NTN4: variants seen among roughly 807,000 people sequenced by gnomAD.
NTN4 encodes the protein netrin-4.
NTN4 carries 32 observed loss-of-function variants against 73.6 expected under a neutral mutation model. The observed-to-expected ratio is 0.44, with a 90% CI of 0.33 to 0.58. NTN4 has a LOEUF of 0.58. Ranked by LOEUF, NTN4 falls within the 20% of genes least tolerant of loss-of-function variation. The pLI is 0.04. For missense variants in NTN4, 654 were observed against 798.3 expected, an observed-to-expected ratio of 0.82 and a Z score of 2.18; for synonymous variants, 258 against 287.5, an observed-to-expected ratio of 0.90 and a Z score of 1.04.
intron 5 of NTN4, among the ~76,000 whole-genome samples, chr12:95,699,958 C>A (rs2078470557): frequency 6.6e-6 from 1 of 151,822 alleles, no homozygotes; most frequent in African/African-American, 2.4e-5. Flanking sequence ...TGTGTCTTGG[C>A]ATAAAAGTCA....
Position 95,658,182 on chromosome 12 carries a change from G to A in NTN4, c.*904C>T, listed in dbSNP as rs1047248594. 1 of 152,190 alleles carries A rather than the reference G, an allele frequency of 6.6e-6. No individual in the cohort carries two copies. The allele number at this position is 152,190 out of a possible 1,614,324, so 9.4% of individuals were successfully genotyped here. On this transcript the variant is annotated 3_prime_UTR_variant, in exon 10 of 10. Coordinates refer to ENST00000343702, the MANE Select transcript of NTN4 (RefSeq NM_021229.4). The stretch of plus-strand genomic sequence containing the variant: ...TTCTGTGTCTACAATAATTTTTGAA[G>A]TGTATACAAGTGCATTGCAAATGAG...
intron 2 of NTN4, 22 bp downstream of exon 2, chr12:95,786,917 A>G (rs2079171629): frequency 1.2e-6 from 2 of 1,603,034 alleles, no homozygotes; most frequent in Non-Finnish European, 1.7e-6. Flanking sequence ...CTTACAGTGT[A>G]GAGTTAAACA....
At chr12:95,669,881 C>G (rs1007655592) in intron 8 of NTN4, among the ~76,000 whole-genome samples, 197 bp downstream of exon 8, 2 of 152,236 alleles carry the variant, frequency 1.3e-5, no homozygotes, top group Non-Finnish European at 2.9e-5. Flanking sequence ...TCTGTCCTCC[C>G]TGGGACATCC....
At chr12:95,668,195 T>A (rs1424406155) in intron 8 of NTN4, among the ~76,000 whole-genome samples, 1 of 151,994 alleles carries the variant, frequency 6.6e-6, no homozygotes, top group Non-Finnish European at 1.5e-5. Flanking sequence ...GGAAACCAAT[T>A]TTTTCCAAGT....
At chr12:95,739,313 C>T (rs1447599662) in intron 2 of NTN4, among the ~76,000 whole-genome samples, 4 of 152,014 alleles carry the variant, frequency 2.6e-5, no homozygotes, top group Admixed American at 2.0e-4. Context: ...ACGGATTAAC[C>T]GGTATTTGTA....
chr12:95,734,859 G>A (rs1299662691), intron 3 of NTN4, among the ~76,000 whole-genome samples: 1 of 152,178 alleles, frequency 6.6e-6, no homozygotes, highest in African/African-American at 2.4e-5. Flanking sequence ...GACCAACATG[G>A]AGAAACCCCA....
intron 9 of NTN4, among the ~76,000 whole-genome samples, chr12:95,659,650 A>G (rs1435459381): frequency 1.3e-5 from 2 of 152,210 alleles, no homozygotes; most frequent in Non-Finnish European, 2.9e-5. Context: ...AGAAACATTA[A>G]TAGCTGCCAT....
rs1490029826 is a variant in NTN4, at chr12:95,713,300, G to A, written c.903C>T (p.Gly301=). ...GKCMCKHNTA[G]SHCQHCAPLY... is the part of the protein sequence containing the mutation. ...ACGGGGCACAGTGCTGGCAGTGGCT[G>A]CCTGCTGTGTTGTGCTTACACATAC... Residue 301 remains glycine, a synonymous_variant, in exon 4 of 10, where the codon GGC becomes GGT. Transcript: ENST00000343702. The A allele has an allele frequency of 6.2e-7, 1 of 1,612,232 alleles. No individual in the cohort carries two copies. Among genetic ancestry groups the A allele is most frequent in the African/African-American group, 1.3e-5 (1 of 75,018 alleles).
intron 1 of NTN4, among the ~76,000 whole-genome samples, chr12:95,788,401 A>G (rs1020774746): frequency 1.3e-5 from 2 of 152,258 alleles, no homozygotes; most frequent in African/African-American, 4.8e-5. Context: ...ATGACTTAAA[A>G]TGATAAACAT....
intron 5 of NTN4, among the ~76,000 whole-genome samples, chr12:95,697,014 A>T (rs959505994): frequency 2.7e-5 from 4 of 146,752 alleles, no homozygotes; most frequent in African/African-American, 5.0e-5. Flanking sequence ...TACAAAAAAT[A>T]AAAAAAAAAA....
chr12:95,787,392 C>T lies in NTN4; in HGVS notation c.132G>A (p.Gly44=), dbSNP rs545328690. 9 of 1,614,216 alleles carry T rather than the reference C, an allele frequency of 5.6e-6. No individual in the cohort carries two copies. Among genetic ancestry groups the T allele is most frequent in the Admixed American group, 1.7e-5 (1 of 60,016 alleles). ...CNPRMGNLAL[G]RKLWADTTCG... ...AGGTGGTGTCTGCCCAGAGTTTTCG[C>T]CCCAAAGCCAAATTTCCCATCCGAG... Residue 44 remains glycine, a synonymous_variant, in exon 2 of 10, where the codon GGG becomes GGA. Coordinates refer to ENST00000343702, the MANE Select transcript of NTN4 (RefSeq NM_021229.4).
At chr12:95,692,489 A>G (rs957649568) in intron 5 of NTN4, among the ~76,000 whole-genome samples, 1 of 152,242 alleles carries the variant, frequency 6.6e-6, no homozygotes, top group South Asian at 2.1e-4. Context: ...GCTGAATATG[A>G]TAGAAATTTT....
At chr12:95,662,994 T>C (rs879531640) in intron 9 of NTN4, among the ~76,000 whole-genome samples, 1 of 151,970 alleles carries the variant, frequency 6.6e-6, no homozygotes, top group Non-Finnish European at 1.5e-5. Context: ...TGGTGGCATG[T>C]CTATAGTCCT....
upstream of NTN4, chr12:95,790,765 A>T (rs531746017): frequency 8.2e-4 from 125 of 152,220 alleles, no homozygotes; most frequent in Admixed American, 2.6e-3. The surrounding 1 kb of genome is among the most constrained non-coding windows in gnomAD (Gnocchi z 6.5). Context: ...GTCCTTCTCC[A>T]CGGGCAGTTC....
At chr12:95,735,171 G>A (rs913881599) in intron 3 of NTN4, among the ~76,000 whole-genome samples, 4 of 152,164 alleles carry the variant, frequency 2.6e-5, no homozygotes, top group South Asian at 2.1e-4. Flanking sequence ...TGGAAAAATC[G>A]AAAACCAGAA....
chr12:95,699,565 G>T lies in NTN4; in HGVS notation c.1180+10876C>A, dbSNP rs527639652. On this transcript the variant is annotated intron_variant, in intron 5 of 9. Coordinates refer to ENST00000343702, the MANE Select transcript of NTN4 (RefSeq NM_021229.4). ...TGGCAATAGAGACTGAGGCAAGAGA[G>T]TCATCCACCCAAAGCACCTGCATCT... Among the ~76,000 whole-genome samples the T allele has an allele frequency of 7.9e-5, 12 of 151,724 alleles. No homozygotes were observed. In the South Asian group the frequency reaches 1.2e-3, roughly 16 times the overall value.
At position 95,737,784 on chromosome 12, in the gene NTN4, T is replaced by C. The variant is rs548284757; in HGVS notation, c.864+82A>G. On this transcript the variant is annotated intron_variant, in intron 3 of 9. Transcript: ENST00000343702. Reference sequence around the variant, plus strand: ...GCAGAGGAAAAAATCAGCAGCACTATGTTAAGCATATACCAACCAATGCCC... The same window carrying C: ...GCAGAGGAAAAAATCAGCAGCACTACGTTAAGCATATACCAACCAATGCCC... 77 of 1,379,788 alleles carry C rather than the reference T, an allele frequency of 5.6e-5. No individual in the cohort carries two copies. In the African/African-American group the frequency reaches 8.6e-4, roughly 15 times the overall value. 85.5% of individuals were successfully genotyped at this position (1,379,788 alleles called of 1,614,324 possible). A position where few individuals can be genotyped will look rare whatever the true frequency, so the allele number is the denominator to read the frequency against.
At chr12:95,732,689 G>A (rs938699877) in intron 3 of NTN4, among the ~76,000 whole-genome samples, 2 of 151,928 alleles carry the variant, frequency 1.3e-5, no homozygotes, top group African/African-American at 2.4e-5. Flanking sequence ...ATAAGCCACC[G>A]TACCCAGCCT....
At chr12:95,754,320 G>A (rs1160812836) in intron 2 of NTN4, among the ~76,000 whole-genome samples, 1 of 52,514 alleles carries the variant, frequency 1.9e-5, no homozygotes, top group Non-Finnish European at 5.5e-5. Context: ...AGGTTCCCAC[G>A]CCGCCCCTAA....
Sources: allele counts gnomAD v4.1 joint callset (sites outside exome capture counted in the v4.1 genomes callset), GRCh38; gene constraint gnomAD v4.1.1; non-coding constraint Gnocchi (gnomAD v3.1); transcripts MANE v1.5; gene names NCBI Gene and HGNC (gene_info 2026-07-23, HGNC 2026-07-21).